TDRD3: variants seen among roughly 807,000 people sequenced by gnomAD.
The protein encoded by TDRD3 is tudor domain containing 3, also known as tudor domain-containing protein 3.
In TDRD3, 45 loss-of-function variants were observed where a neutral mutation model predicts 86.7. The ratio of observed to expected loss-of-function variants is 0.52; its 90% CI spans 0.41 to 0.67. The LOEUF is 0.67. Ranked by LOEUF, TDRD3 falls within the 30% of genes least tolerant of loss-of-function variation. The pLI is 0.00. For synonymous variants in TDRD3, 298 were observed against 301.7 expected (o/e 0.99, Z 0.13); for missense variants, 814 against 889.0 (o/e 0.92, Z 1.07).
Position 60,467,372 on chromosome 13 carries a change from T to C in TDRD3, c.488T>C (p.Leu163Ser). Residue 163 changes from leucine to serine, a missense_variant, in exon 5 of 14, where the codon TTA becomes TCA. By Grantham distance (145) the Leu-to-Ser change is moderately radical. Transcript: ENST00000377881. ...EVEHLIEKWE[L>S]QRSLSKHNRS... is the part of the protein sequence containing the mutation. Reference sequence around the variant, plus strand: ...GAACACCTTATTGAGAAATGGGAGTTACAGAGAGTAAGTGTAAACTATGGC... The same window carrying C: ...GAACACCTTATTGAGAAATGGGAGTCACAGAGAGTAAGTGTAAACTATGGC... 1.2e-6 allele frequency: 2 copies of C among 1,613,642 alleles called. No homozygotes were observed. The highest frequency in any genetic ancestry group is 1.7e-6 in the Non-Finnish European group (2 of 1,179,760).
intron 1 of TDRD3, among the ~76,000 whole-genome samples, chr13:60,411,343 A>G (rs1056308133): frequency 6.6e-6 from 1 of 152,236 alleles, no homozygotes; most frequent in African/African-American, 2.4e-5. Context: ...TAAATAATAC[A>G]TGACAGAAAT....
chr13:60,397,640 T>TGGGCCC (rs1953964162), intron 1 of TDRD3, among the ~76,000 whole-genome samples: 2 of 114,852 alleles, frequency 1.7e-5, no homozygotes, highest in African/African-American at 5.4e-5. Flanking sequence ...GCGGCGGGCC[T>TGGGCCC]GGGCCCCGGG....
At chr13:60,500,673 G>T (rs751017632) in intron 8 of TDRD3, among the ~76,000 whole-genome samples, 3 of 152,194 alleles carry the variant, frequency 2.0e-5, no homozygotes, top group Non-Finnish European at 2.9e-5. Flanking sequence ...TGATTTATGG[G>T]CTGTAGCCAA....
intron 3 of TDRD3, among the ~76,000 whole-genome samples, chr13:60,447,019 A>G (rs1051186969): frequency 1.3e-5 from 2 of 152,236 alleles, no homozygotes; most frequent in African/African-American, 2.4e-5. Context: ...GAATATTTGA[A>G]TAAGTAATCT....
At position 60,513,617 on chromosome 13, in the gene TDRD3, G is replaced by T. The variant is rs952888594; in HGVS notation, c.1141+2862G>T. Among the ~76,000 whole-genome samples, 29 of 152,228 alleles carry T rather than the reference G, an allele frequency of 1.9e-4. 1 individual carries two copies. The highest frequency in any genetic ancestry group is 1.2e-3 in the Admixed American group (18 of 15,296). On this transcript the variant is annotated intron_variant, in intron 10 of 13. Coordinates refer to ENST00000377881, the MANE Select transcript of TDRD3 (RefSeq NM_001146070.2). The stretch of plus-strand genomic sequence containing the variant: ...TTCCCACATGTTGTGGGAGGCACTC[G>T]GTGAGAGGTAATTGAATCATGAGGG...
chr13:60,420,422 C>T (rs1954627177), intron 1 of TDRD3, among the ~76,000 whole-genome samples: 1 of 150,526 alleles, frequency 6.6e-6, no homozygotes, highest in Non-Finnish European at 1.5e-5. Flanking sequence ...ATGTCCTGTT[C>T]AAGAATTGTT....
intron 2 of TDRD3, among the ~76,000 whole-genome samples, chr13:60,441,811 GT>G (rs990841448): frequency 2.6e-5 from 4 of 152,082 alleles, no homozygotes; most frequent in Non-Finnish European, 5.9e-5. Flanking sequence ...GCAGTAACAT[GT>G]ATATAGTGTT....
At chr13:60,439,403 G>A (rs1955200614) in intron 1 of TDRD3, among the ~76,000 whole-genome samples, 1 of 152,118 alleles carries the variant, frequency 6.6e-6, no homozygotes, top group African/African-American at 2.4e-5. Context: ...GCAAAGAGCA[G>A]CTTATACATC....
chr13:60,484,064 TA>T (rs1422921900), intron 6 of TDRD3, among the ~76,000 whole-genome samples: 2 of 152,096 alleles, frequency 1.3e-5, no homozygotes, highest in Non-Finnish European at 2.9e-5. Context: ...TTGAAGCAAT[TA>T]AGAGCCATAT....
intron 3 of TDRD3, among the ~76,000 whole-genome samples, chr13:60,452,084 A>T (rs1034341971): frequency 6.6e-5 from 10 of 152,318 alleles, no homozygotes; most frequent in African/African-American, 2.4e-4. Context: ...AAGCTATGTT[A>T]TAAAATCACT....
chr13:60,535,000 T>C, intron 11 of TDRD3, 108 bp from the exon 12 acceptor site: 2 of 1,241,608 alleles, frequency 1.6e-6, no homozygotes, highest in Admixed American at 5.1e-5. Context: ...AGTTTCCTTC[T>C]AAAGAATATT....
At chr13:60,482,200 T>G (rs1487700872) in intron 5 of TDRD3, among the ~76,000 whole-genome samples, 6 of 152,182 alleles carry the variant, frequency 3.9e-5, no homozygotes, top group Non-Finnish European at 7.3e-5. Flanking sequence ...GGTTCTTCTT[T>G]CTGAAACAGC....
chr13:60,489,567 A>T (rs969798666), intron 7 of TDRD3, among the ~76,000 whole-genome samples: 2 of 151,976 alleles, frequency 1.3e-5, no homozygotes, highest in Non-Finnish European at 2.9e-5. Flanking sequence ...TATTTTTTTC[A>T]TCTGTGAAAC....
chr13:60,396,833 C>T (rs961486238), upstream of TDRD3: 1 of 152,420 alleles, frequency 6.6e-6, no homozygotes, highest in Non-Finnish European at 1.5e-5. Context: ...GGGCTGGGGA[C>T]ACCTCTGAGT....
At chr13:60,543,936 C>T (rs754944401) in intron 12 of TDRD3, among the ~76,000 whole-genome samples, 42 of 150,214 alleles carry the variant, frequency 2.8e-4, no homozygotes, top group Non-Finnish European at 5.5e-4. Flanking sequence ...TTTATGAAGA[C>T]TCCCATTATC....
intron 4 of TDRD3, among the ~76,000 whole-genome samples, chr13:60,466,341 C>A (rs1955927472): frequency 6.6e-6 from 1 of 152,134 alleles, no homozygotes; most frequent in Admixed American, 6.5e-5. Context: ...AATGTCAAAT[C>A]TTATATAGCA....
chr13:60,527,011 T>C (rs1957454637), intron 10 of TDRD3, among the ~76,000 whole-genome samples: 1 of 152,052 alleles, frequency 6.6e-6, no homozygotes, highest in Non-Finnish European at 1.5e-5. Context: ...ATTTTTGTAT[T>C]TTTAGTAGAG....
intron 2 of TDRD3, 144 bp from the exon 3 acceptor site, chr13:60,444,539 T>A: frequency 2.1e-6 from 1 of 476,912 alleles, no homozygotes; most frequent in Non-Finnish European, 3.7e-6. Context: ...ACTTGAAAGA[T>A]TGATAATACA....
chr13:60,397,648 G>C (rs1953964411), intron 1 of TDRD3, among the ~76,000 whole-genome samples: 1 of 146,156 alleles, frequency 6.8e-6, no homozygotes, highest in African/African-American at 2.4e-5. Flanking sequence ...CCTGGGCCCC[G>C]GGCGGCGGGC....
Sources: gnomAD v4.1 joint callset for allele counts (sites outside exome capture counted in the v4.1 genomes callset) on GRCh38, gnomAD v4.1.1 for gene constraint, MANE v1.5 for transcripts, NCBI Gene and HGNC (gene_info 2026-07-23, HGNC 2026-07-21) for gene names.